Variants in BTD observed in about 807,000 individuals in gnomAD.
BTD encodes biocytinase.
BTD carries 13 observed loss-of-function variants against 17.7 expected under a neutral mutation model. The ratio of observed to expected loss-of-function variants is 0.74; its 90% CI spans 0.48 to 1.17. BTD has a LOEUF of 1.17. Ranked by LOEUF, BTD falls within the 50% of genes most tolerant of loss-of-function variation. The probability of loss-of-function intolerance (pLI) is 0.00; values close to 1 mark genes in which losing one functional copy is unlikely to be tolerated. For synonymous variants in BTD, 240 were observed against 245.2 expected (o/e 0.98, Z 0.20); for missense variants, 674 against 650.4 (o/e 1.04, Z -0.39).
intron 1 of BTD, among the ~76,000 whole-genome samples, chr3:15,618,297 A>G (rs1024509310): frequency 1.3e-5 from 2 of 152,146 alleles, no homozygotes; most frequent in African/African-American, 4.8e-5. Flanking sequence ...GATACCTACA[A>G]AATAACTTGT....
At chr3:15,696,086 A>C (rs538069100) in intron 3 of BTD, 1 of 1,238,460 alleles carries the variant, frequency 8.1e-7, no homozygotes, top group African/African-American at 1.5e-5. Context: ...TTACATTATT[A>C]GACTATAAAC....
At chr3:15,689,414 T>C (rs972155170) in intron 3 of BTD, among the ~76,000 whole-genome samples, 1 of 152,218 alleles carries the variant, frequency 6.6e-6, no homozygotes, top group African/African-American at 2.4e-5. Context: ...CATCAAAAGA[T>C]GAATCCACTG....
In BTD at chr3:15,601,806, C is replaced by T. The variant is rs184480128; in HGVS notation, c.-105C>T. 347 of 1,614,128 alleles carry T rather than the reference C, an allele frequency of 2.1e-4. 3 individuals carry two copies. In the East Asian group the frequency reaches 5.3e-3, roughly 25 times the overall value. ...GAACTCTGAGGCCTCTCGCCATTGT[C>T]TCCGAGTCGGCCAGCTGGAGCGTTT... On this transcript the variant is annotated 5_prime_UTR_variant, in exon 1 of 4. Coordinates refer to ENST00000643237, the MANE Select transcript of BTD (RefSeq NM_001370658.1).
intron 3 of BTD, chr3:15,670,170 T>C: frequency 1.5e-6 from 2 of 1,344,164 alleles, no homozygotes; most frequent in Non-Finnish European, 1.0e-6. Flanking sequence ...TGTGGGATCT[T>C]TCCTCTTAGG....
chr3:15,657,915 C>A (rs189396697), downstream of BTD, among the ~76,000 whole-genome samples: 5 of 152,004 alleles, frequency 3.3e-5, no homozygotes, highest in East Asian at 9.7e-4. Flanking sequence ...CCCCTGTAAT[C>A]CCAGCACTTT....
intron 1 of BTD, among the ~76,000 whole-genome samples, chr3:15,609,348 A>G (rs1392435732): frequency 6.6e-6 from 1 of 152,098 alleles, no homozygotes; most frequent in African/African-American, 2.4e-5. Flanking sequence ...ACTATCTTGA[A>G]TTTGGTGTTT....
Position 15,653,335 on chromosome 3 carries a change from T to C in BTD, c.*7847T>C, listed in dbSNP as rs1245378101. On this transcript the variant is annotated 3_prime_UTR_variant, in exon 4 of 4. Coordinates refer to ENST00000643237, the MANE Select transcript of BTD (RefSeq NM_001370658.1). The stretch of plus-strand genomic sequence containing the variant: ...GGTCTTAATCATCACCTCAGTCCTC[T>C]GAAACAGGCAAGTGTGTCCATTTTA... Among the ~76,000 whole-genome samples, 1 of 152,250 alleles carries C rather than the reference T, an allele frequency of 6.6e-6. No individual in the cohort carries two copies. The highest frequency in any genetic ancestry group is 1.5e-5 in the Non-Finnish European group (1 of 68,040).
intron 3 of BTD, among the ~76,000 whole-genome samples, chr3:15,660,359 C>G (rs1489028098): frequency 6.6e-6 from 1 of 152,224 alleles, no homozygotes; most frequent in Non-Finnish European, 1.5e-5. Context: ...CGTTGCTACC[C>G]ATGAAGGGAA....
intron 2 of BTD, among the ~76,000 whole-genome samples, chr3:15,636,837 G>T (rs2065362908): frequency 6.6e-6 from 1 of 151,206 alleles, no homozygotes; most frequent in Non-Finnish European, 1.5e-5. Flanking sequence ...ATGTTGAAAG[G>T]GAACTTGAAG....
chr3:15,620,741 T>A (rs112298047), intron 1 of BTD, among the ~76,000 whole-genome samples: 4 of 152,362 alleles, frequency 2.6e-5, no homozygotes, highest in African/African-American at 9.6e-5. Flanking sequence ...TCTTCACAAT[T>A]TATGTTCCTC....
In BTD at chr3:15,645,488, G is replaced by A. The variant is rs1357585363; in HGVS notation, c.1572G>A (p.Ter524=). Residue 524 remains the stop codon, a stop_retained_variant, in exon 4 of 4, where the codon TAG becomes TAA. Transcript: ENST00000643237. ...ATGGGCGCTTGTATGAGAGGGACTA[G>A]GAAAAGTGTGTGGTCTGTGGGGCGG... ...ALYGRLYERD[*] is the part of the protein sequence containing the mutation. The A allele has an allele frequency of 6.2e-7, 1 of 1,604,366 alleles. No individual in the cohort carries two copies. The highest frequency in any genetic ancestry group is 1.3e-5 in the African/African-American group (1 of 74,916).
At chr3:15,627,997 CAGGCATG>C (rs2065109278) in intron 1 of BTD, among the ~76,000 whole-genome samples, 1 of 152,220 alleles carries the variant, frequency 6.6e-6, no homozygotes, top group South Asian at 2.1e-4. Context: ...GCTGGGATTA[CAGGCATG>C]AGCCACCATG....
downstream of BTD, among the ~76,000 whole-genome samples, chr3:15,716,281 CTTTTTTTT>C (rs373633047): frequency 1.8e-5 from 2 of 113,680 alleles, no homozygotes; most frequent in Non-Finnish European, 3.8e-5. Context: ...CGCACCTGGA[CTTTTTTTT>C]TTTTTTTTTT....
intron 3 of BTD, among the ~76,000 whole-genome samples, chr3:15,685,646 A>C (rs1346126505): frequency 6.6e-6 from 1 of 152,210 alleles, no homozygotes; most frequent in Non-Finnish European, 1.5e-5. Context: ...CTAAAATGCA[A>C]ATAGTATGAA....
Position 15,711,126 on chromosome 3 carries a change from A to T in BTD, c.*1052A>T. On this transcript the variant is annotated 3_prime_UTR_variant, in exon 4 of 4. Coordinates refer to the BTD transcript ENST00000672141. ...TGTTTTCTATTTTCTGGCAGCCCAG[A>T]ATTAATAAAAAAGAACAAAGATAAG... is the stretch of plus-strand genomic sequence containing the variant. The T allele has an allele frequency of 6.7e-6, 8 of 1,196,680 alleles. No individual in the cohort carries two copies. In the South Asian group the frequency reaches 1.0e-4, roughly 15 times the overall value. 74.1% of individuals were successfully genotyped at this position (1,196,680 alleles called of 1,614,324 possible).
intron 3 of BTD, among the ~76,000 whole-genome samples, chr3:15,673,166 A>G (rs184379356): frequency 8.5e-5 from 13 of 152,288 alleles, no homozygotes; most frequent in African/African-American, 2.6e-4. Context: ...TAGCAGTTGC[A>G]TTTTTTGGGA....
chr3:15,656,132 C>A (rs987976907), downstream of BTD, among the ~76,000 whole-genome samples: 3 of 152,334 alleles, frequency 2.0e-5, no homozygotes, highest in African/African-American at 7.2e-5. Context: ...ATGTAAGATA[C>A]AATGAATTTC....
chr3:15,676,418 ATT>A (rs1469717134), intron 3 of BTD, among the ~76,000 whole-genome samples: 1 of 152,226 alleles, frequency 6.6e-6, no homozygotes, highest in African/African-American at 2.4e-5. Flanking sequence ...ATCATGACTA[ATT>A]TTTGGACCTT....
chr3:15,714,762 C>A (rs2072801370), downstream of BTD: 1 of 770,404 alleles, frequency 1.3e-6, no homozygotes, highest in Non-Finnish European at 1.9e-6. Context: ...AACTATTTTA[C>A]ATGAATTAAG....
Sources: gnomAD v4.1 joint callset for allele counts (sites outside exome capture counted in the v4.1 genomes callset) on GRCh38, gnomAD v4.1.1 for gene constraint, MANE v1.5 for transcripts, NCBI Gene and HGNC (gene_info 2026-07-23, HGNC 2026-07-21) for gene names.